SLC16A3: variants seen among roughly 807,000 people sequenced by gnomAD.
SLC16A3 encodes the protein solute carrier family 16 member 3, also known as monocarboxylate transporter 4.
Under a neutral mutation model 25.0 loss-of-function variants are expected in SLC16A3, and 22 were observed. The ratio of observed to expected loss-of-function variants is 0.88; its 90% CI spans 0.63 to 1.26. The LOEUF (loss-of-function observed/expected upper bound fraction) is 1.26, where lower values mean the gene tolerates loss of function less well. SLC16A3 is among the 50% of genes most tolerant of loss of function. The pLI is 0.00. For synonymous variants in SLC16A3, 390 were observed against 309.2 expected (o/e 1.26, Z -2.74); for missense variants, 731 against 666.6 (o/e 1.10, Z -1.06).
rs775556538 is a variant in SLC16A3, at chr17:82,238,654, T to G, written c.1124-48T>G. ...CAGGCTTGGGTGGAGCCGTGGGCCC[T>G]GGGGGCAGCCCGCATGAGCGGCTGG... On this transcript the variant is annotated intron_variant, in intron 4 of 4. Coordinates refer to ENST00000582743, the MANE Select transcript of SLC16A3 (RefSeq NM_004207.4). 6 of 1,549,112 alleles carry G rather than the reference T, an allele frequency of 3.9e-6. No individual in the cohort carries two copies. The South Asian group carries it at 7.4e-5, about 19-fold the overall frequency.
At chr17:82,238,173 C>T (rs577100308) in intron 4 of SLC16A3, among the ~76,000 whole-genome samples, 1 of 152,220 alleles carries the variant, frequency 6.6e-6, no homozygotes, top group African/African-American at 2.4e-5. Flanking sequence ...GGGCACCACG[C>T]GGCAGCTCCA....
upstream of SLC16A3, among the ~76,000 whole-genome samples, chr17:82,225,154 C>G (rs1359187057): frequency 6.6e-6 from 1 of 152,154 alleles, no homozygotes; most frequent in Non-Finnish European, 1.5e-5. Context: ...CCCAGCTACT[C>G]AGGAGGCTGA....
intron 1 of SLC16A3, among the ~76,000 whole-genome samples, chr17:82,221,591 A>AAACAAC (rs143230826): frequency 7.3e-5 from 11 of 151,522 alleles, no homozygotes; most frequent in East Asian, 1.9e-4. Context: ...GAATGAAACT[A>AAACAAC]AACAACAACA....
At chr17:82,236,406 C>T (rs946853721) in intron 2 of SLC16A3, 175 bp downstream of exon 2, 4 of 675,398 alleles carry the variant, frequency 5.9e-6, no homozygotes, top group Admixed American at 2.7e-5. Context: ...CGGGGCCAAC[C>T]CAGGCAGGGC....
Position 82,237,684 on chromosome 17 carries a change from A to G in SLC16A3, c.914A>G (p.Asn305Ser), listed in dbSNP as rs138125656. ...VYLFSFSMFF[N>S]GLADLAGSTA... ...CTCTTCAGCTTCTCCATGTTCTTCAACGGCCTCGCGGACCTGGCGGGTTCT... is the reference window on the plus strand; with the variant it reads ...CTCTTCAGCTTCTCCATGTTCTTCAGCGGCCTCGCGGACCTGGCGGGTTCT... Residue 305 changes from asparagine to serine, a missense_variant, in exon 4 of 5, where the codon AAC becomes AGC. Transcript: ENST00000582743. The G allele has an allele frequency of 4.0e-5, 64 of 1,612,572 alleles. No homozygotes were observed. The highest frequency in any genetic ancestry group is 7.6e-6 in the Non-Finnish European group (9 of 1,179,762).
In SLC16A3 at chr17:82,236,166, T is replaced by C; in HGVS notation, c.158T>C (p.Phe53Ser). ...TTCTTCAAGGAGCTCATACAGGAGT[T>C]TGGGATCGGCTACAGCGACACAGCC... Reference protein sequence around the residue: ...SVFFKELIQEFGIGYSDTAWI... With the variant: ...SVFFKELIQESGIGYSDTAWI... Residue 53 changes from phenylalanine to serine, a missense_variant, in exon 2 of 5, where the codon TTT (phenylalanine) becomes TCT (serine). Physicochemically the swap from Phe to Ser is radical, Grantham distance 155. Coordinates refer to ENST00000582743, the MANE Select transcript of SLC16A3 (RefSeq NM_004207.4). The C allele has an allele frequency of 6.2e-7, 1 of 1,613,204 alleles. No individual in the cohort carries two copies. Among genetic ancestry groups the C allele is most frequent in the South Asian group, 1.1e-5 (1 of 91,082 alleles).
chr17:82,226,356 T>C (rs2050421579), upstream of SLC16A3, among the ~76,000 whole-genome samples: 1 of 152,124 alleles, frequency 6.6e-6, no homozygotes, highest in Non-Finnish European at 1.5e-5. Flanking sequence ...CCAGGGCCAC[T>C]GTGGGGGAGC....
At chr17:82,222,729 G>C (rs1334852491) in intron 1 of SLC16A3, among the ~76,000 whole-genome samples, 3 of 151,844 alleles carry the variant, frequency 2.0e-5, no homozygotes, top group Admixed American at 1.3e-4. Flanking sequence ...CTCGAACCAG[G>C]GAGGCGGAGG....
chr17:82,223,666 C>T (rs1205493960), upstream of SLC16A3, among the ~76,000 whole-genome samples: 1 of 152,072 alleles, frequency 6.6e-6, no homozygotes, highest in Non-Finnish European at 1.5e-5. Context: ...GTGCATGCCA[C>T]CACGTGTGGC....
chr17:82,229,632 G>A (rs948190689), intron 1 of SLC16A3: 1 of 152,312 alleles, frequency 6.6e-6, no homozygotes. Flanking sequence ...CTAACAGCCC[G>A]AGACCGTGCA....
chr17:82,231,937 GC>G (rs2050502804), intron 1 of SLC16A3: 3 of 152,382 alleles, frequency 2.0e-5, no homozygotes, highest in Admixed American at 2.0e-4. Context: ...TGCAAGCTCG[GC>G]CCCGACACCT....
chr17:82,237,247 C>A lies in SLC16A3; in HGVS notation c.477C>A (p.Phe159Leu). 1 of 1,561,488 alleles carries A rather than the reference C, an allele frequency of 6.4e-7. No individual in the cohort carries two copies. Among genetic ancestry groups the A allele is most frequent in the South Asian group, 1.2e-5 (1 of 85,020 alleles). ...TGGCGGCAGCAGGTAGCCCTGTCTT[C>A]CTGTGTGCCCTGAGCCCGCTGGGGC... ...NGLAAAGSPV[F>L]LCALSPLGQL... The change falls in exon 4 of 5, where the codon TTC becomes TTA. Residue 159 changes from phenylalanine (F) to leucine (L), a missense_variant. Physicochemically the swap from Phe to Leu is conservative, Grantham distance 22. Transcript: ENST00000582743.
At chr17:82,227,382 A>G (rs889116659), upstream of SLC16A3, among the ~76,000 whole-genome samples, 6 of 148,864 alleles carry the variant, frequency 4.0e-5, no homozygotes, top group Non-Finnish European at 7.5e-5. Context: ...CGGTGGCTTC[A>G]GTGGGGGCCC....
At chr17:82,221,566 T>C (rs1408003198) in intron 1 of SLC16A3, among the ~76,000 whole-genome samples, 1 of 147,122 alleles carries the variant, frequency 6.8e-6, no homozygotes, top group Non-Finnish European at 1.5e-5. Context: ...AAGACCCTGT[T>C]CCAAACATAA....
chr17:82,220,811 A>T (rs1017832171), intron 1 of SLC16A3, among the ~76,000 whole-genome samples: 3 of 151,898 alleles, frequency 2.0e-5, no homozygotes, highest in African/African-American at 4.8e-5. Flanking sequence ...ATAATTAATT[A>T]ATTAATTTAA....
intron 1 of SLC16A3, chr17:82,234,663 C>T (rs776284074): frequency 4.6e-5 from 7 of 152,404 alleles, no homozygotes; most frequent in East Asian, 1.9e-4. Flanking sequence ...GGGGAGGGCC[C>T]GGGAGGAGGA....
chr17:82,231,892 G>C (rs1391107951), intron 1 of SLC16A3: 3 of 152,312 alleles, frequency 2.0e-5, no homozygotes, highest in Admixed American at 2.0e-4. Flanking sequence ...GCAGGGCCCA[G>C]GCCTGGGGCA....
At position 82,239,902 on chromosome 17, in the gene SLC16A3, CCT is replaced by C. The variant is rs1255899339; in HGVS notation, c.*927_*928del. On this transcript the variant is annotated 3_prime_UTR_variant, in exon 5 of 5. Transcript: ENST00000582743. ...CCAGCGCTTGGGCTTGTCCTGGACA[CCT>C]AACACCCACCTGCCCTCGTGGCCAG... The C allele has an allele frequency of 9.4e-5, 88 of 931,650 alleles. No homozygotes were observed. The highest frequency in any genetic ancestry group is 1.2e-4 in the Non-Finnish European group (88 of 713,058). 57.7% of individuals were successfully genotyped at this position (931,650 alleles called of 1,614,324 possible). A position where few individuals can be genotyped will look rare whatever the true frequency, so the allele number is the denominator to read the frequency against.
rs1033635127 is a variant in SLC16A3 at position 82,237,629 on chromosome 17, C to T, written c.859C>T (p.Leu287Phe). The T allele has an allele frequency of 3.1e-6, 5 of 1,612,760 alleles. No homozygotes were observed. The African/African-American group carries it at 4.0e-5, about 13-fold the overall frequency. ...ARPAAGFVAG[L>F]GKVRPYSVYL... ...GCCGGCCGCGGGCTTCGTGGCGGGG[C>T]TTGGGAAGGTGCGGCCCTACTCCGT... is the stretch of plus-strand genomic sequence containing the variant. Residue 287 changes from leucine to phenylalanine, a missense_variant, in exon 4 of 5, where the codon CTT (leucine) becomes TTT (phenylalanine). By Grantham distance (22) the Leu-to-Phe change is conservative. Coordinates refer to ENST00000582743, the MANE Select transcript of SLC16A3 (RefSeq NM_004207.4).
Sources: gnomAD v4.1 joint callset for allele counts (sites outside exome capture counted in the v4.1 genomes callset) on GRCh38, gnomAD v4.1.1 for gene constraint, MANE v1.5 for transcripts, NCBI Gene and HGNC (gene_info 2026-07-23, HGNC 2026-07-21) for gene names.